The following ZNF44 variants were observed in gnomAD, a reference collection of about 807,000 sequenced individuals.
ZNF44 encodes the protein gonadotropin inducible transcription repressor-2.
In ZNF44, 9 loss-of-function variants were observed where a neutral mutation model predicts 11.7. The observed-to-expected ratio is 0.77, with a 90% CI of 0.46 to 1.35. The LOEUF (loss-of-function observed/expected upper bound fraction) is 1.35. Among genes scored for constraint, ZNF44 ranks in the 40% most tolerant of loss-of-function variants. The probability of loss-of-function intolerance (pLI) is 0.00; values close to 1 mark genes in which losing one functional copy is unlikely to be tolerated. For synonymous variants in ZNF44, 224 were observed against 242.7 expected (o/e 0.92, Z 0.72); for missense variants, 696 against 743.1 (o/e 0.94, Z 0.74).
intron 1 of ZNF44, among the ~76,000 whole-genome samples, chr19:12,285,655 T>C (rs1161506718): frequency 6.6e-6 from 1 of 152,168 alleles, no homozygotes; most frequent in African/African-American, 2.4e-5. Flanking sequence ...GTTGAAAAAT[T>C]CATGAACTGT....
At chr19:12,243,185 C>G (rs1916675731), downstream of ZNF44, among the ~76,000 whole-genome samples, 1 of 152,166 alleles carries the variant, frequency 6.6e-6, no homozygotes, top group African/African-American at 2.4e-5. Flanking sequence ...TGTATATGTT[C>G]ATGATGTACA....
At chr19:12,242,640 G>C (rs1599492423) in intron 6 of ZNF44, 1 of 119,370 alleles carries the variant, frequency 8.4e-6, no homozygotes, top group Admixed American at 1.1e-4. Flanking sequence ...AATATAGTAA[G>C]ACCTATATAG....
At chr19:12,257,121 A>G (rs993040159) in intron 5 of ZNF44, among the ~76,000 whole-genome samples, 4 of 152,306 alleles carry the variant, frequency 2.6e-5, no homozygotes, top group Non-Finnish European at 4.4e-5. Flanking sequence ...CTGAATAGAA[A>G]CCAGATAAAG....
At chr19:12,240,578 T>G (rs1916581526), upstream of ZNF44, among the ~76,000 whole-genome samples, 1 of 151,310 alleles carries the variant, frequency 6.6e-6, no homozygotes, top group East Asian at 2.0e-4. Flanking sequence ...AAAACTACCA[T>G]CATCGAAACC....
intron 2 of ZNF44, among the ~76,000 whole-genome samples, chr19:12,231,346 G>GGCT (rs1267270673): frequency 3.9e-5 from 6 of 152,120 alleles, no homozygotes; most frequent in Non-Finnish European, 7.4e-5. Context: ...GAGGACATCA[G>GGCT]GCTGCTGTCC....
downstream of ZNF44, among the ~76,000 whole-genome samples, chr19:12,271,064 ATGATGCTGC>A (rs1966932747): frequency 6.6e-6 from 1 of 151,246 alleles, no homozygotes; most frequent in African/African-American, 2.5e-5. Context: ...GATGATGATG[ATGATGCTGC>A]TGATGATGCA....
intron 1 of ZNF44, among the ~76,000 whole-genome samples, chr19:12,236,164 G>A (rs1916379607): frequency 1.3e-5 from 2 of 152,222 alleles, no homozygotes; most frequent in Admixed American, 1.3e-4. Context: ...TGTGGGGAAG[G>A]AATTGGAAAT....
At chr19:12,262,982 C>G (rs1917573959) in intron 5 of ZNF44, among the ~76,000 whole-genome samples, 1 of 152,146 alleles carries the variant, frequency 6.6e-6, no homozygotes, top group Non-Finnish European at 1.5e-5. Flanking sequence ...CCCTAACAAG[C>G]TGGGGGTTCA....
chr19:12,231,397 T>A (rs1331423929), intron 2 of ZNF44, among the ~76,000 whole-genome samples: 1 of 152,166 alleles, frequency 6.6e-6, no homozygotes, highest in Non-Finnish European at 1.5e-5. Flanking sequence ...GAGAGAGGAT[T>A]ACTCAGAAAG....
downstream of ZNF44, among the ~76,000 whole-genome samples, chr19:12,225,717 C>T (rs778732955): frequency 6.6e-6 from 1 of 152,098 alleles, no homozygotes; most frequent in Non-Finnish European, 1.5e-5. Flanking sequence ...TAAATAATTT[C>T]CATTAAAAAG....
chr19:12,284,583 A>T, intron 1 of ZNF44: 1 of 716,028 alleles, frequency 1.4e-6, no homozygotes. Flanking sequence ...GGAATCTGAG[A>T]TCATTGACTT....
chr19:12,274,534 A>G (rs1488878318), intron 3 of ZNF44, among the ~76,000 whole-genome samples: 1 of 151,520 alleles, frequency 6.6e-6, no homozygotes, highest in Non-Finnish European at 1.5e-5. Context: ...TCGGCCTCCC[A>G]AAGTGCTGGG....
intron 1 of ZNF44, among the ~76,000 whole-genome samples, chr19:12,287,024 T>C (rs1967788876): frequency 1.4e-5 from 2 of 145,334 alleles, no homozygotes. Flanking sequence ...CTTTTATATA[T>C]ATATATACAC....
At chr19:12,254,761 A>C (rs906544245) in intron 5 of ZNF44, among the ~76,000 whole-genome samples, 1 of 151,266 alleles carries the variant, frequency 6.6e-6, no homozygotes, top group Non-Finnish European at 1.5e-5. Flanking sequence ...ATAATAAAAT[A>C]AAAAATAAAT....
At chr19:12,267,101 G>A (rs565809204), downstream of ZNF44, among the ~76,000 whole-genome samples, 4 of 150,454 alleles carry the variant, frequency 2.7e-5, no homozygotes, top group South Asian at 2.1e-4. Flanking sequence ...GTGCAGTGGC[G>A]TGGCATGATC....
At chr19:12,226,534 CAAAAG>C (rs893502632) in intron 3 of ZNF44, 16 of 152,082 alleles carry the variant, frequency 1.1e-4, no homozygotes, top group African/African-American at 3.6e-4. Flanking sequence ...TGTCCTGTTA[CAAAAG>C]AAAACAGATT....
At chr19:12,274,305 C>T (rs1446994028) in intron 3 of ZNF44, among the ~76,000 whole-genome samples, 3 of 139,956 alleles carry the variant, frequency 2.1e-5, no homozygotes, top group African/African-American at 8.1e-5. Context: ...TGGAGTCTCC[C>T]TCTGTCATCA....
chr19:12,268,084 G>A (rs975192190), downstream of ZNF44, among the ~76,000 whole-genome samples: 12 of 150,832 alleles, frequency 8.0e-5, no homozygotes, highest in African/African-American at 2.9e-4. Context: ...TGATCCGCCT[G>A]CCTCGGCCTC....
At position 12,272,957 on chromosome 19, in the gene ZNF44, G is replaced by C. The variant is rs766761966; in HGVS notation, c.1298C>G (p.Ser433Cys). 1 of 1,613,452 alleles carries C rather than the reference G, an allele frequency of 6.2e-7. No homozygotes were observed. Among genetic ancestry groups the C allele is most frequent in the Non-Finnish European group, 8.5e-7 (1 of 1,179,916 alleles). Residue 433 changes from serine (S) to cysteine (C), a missense_variant, in exon 4 of 4, where the codon TCC (serine) becomes TGC (cysteine). By Grantham distance (112) the Ser-to-Cys change is moderately radical. Transcript: ENST00000355684. The part of the protein sequence containing the change: ...CKQCGKAFRT[S>C]SSLRKHETTH... Reference sequence around the variant, plus strand: ...TGTTTCATGTTTTCGAAGGGAACTGGAAGTACGGAAGGCTTTCCCACATTG... The same window carrying C: ...TGTTTCATGTTTTCGAAGGGAACTGCAAGTACGGAAGGCTTTCCCACATTG...
Sources: allele counts gnomAD v4.1 joint callset (sites outside exome capture counted in the v4.1 genomes callset), GRCh38; gene constraint gnomAD v4.1.1; transcripts MANE v1.5; gene names NCBI Gene and HGNC (gene_info 2026-07-23, HGNC 2026-07-21).